The following MAP4K5 variants were observed in gnomAD, a reference collection of about 807,000 sequenced individuals.
MAP4K5 encodes the protein MAPK/ERK kinase kinase kinase 5.
MAP4K5 carries 82 observed loss-of-function variants against 135.6 expected under a neutral mutation model. The ratio of observed to expected loss-of-function variants is 0.60; its 90% CI spans 0.51 to 0.73. MAP4K5 has a LOEUF of 0.73. Ranked by LOEUF, MAP4K5 falls within the 30% of genes least tolerant of loss-of-function variation. The pLI is 0.00. For missense variants in MAP4K5, 907 were observed against 1,010.9 expected (o/e 0.90, Z 1.39); for synonymous variants, 347 against 335.0 (o/e 1.04, Z -0.39).
At chr14:50,426,049 TAATA>T (rs1220782546) in intron 30 of MAP4K5, 72 bp from the exon 31 acceptor site, 2 of 937,060 alleles carry the variant, frequency 2.1e-6, no homozygotes, top group Non-Finnish European at 3.4e-6. Context: ...TCTCTACTTT[TAATA>T]AATAATATAA....
At chr14:50,466,381 CAAAAAAAAAAA>C (rs1194669006) in intron 11 of MAP4K5, among the ~76,000 whole-genome samples, 191 bp downstream of exon 11, 2 of 54,630 alleles carry the variant, frequency 3.7e-5, no homozygotes, top group African/African-American at 7.6e-5. Context: ...AATCCTGTCT[CAAAAAAAAAAA>C]AAAAAAAAAA....
At chr14:50,551,766 T>A (rs530195000) in intron 1 of MAP4K5, among the ~76,000 whole-genome samples, 7 of 152,222 alleles carry the variant, frequency 4.6e-5, no homozygotes, top group African/African-American at 1.7e-4. Flanking sequence ...AAAAATTATG[T>A]GATAATCTCA....
chr14:50,446,643 G>A (rs918938239), intron 16 of MAP4K5, among the ~76,000 whole-genome samples: 2 of 152,046 alleles, frequency 1.3e-5, no homozygotes, highest in Non-Finnish European at 2.9e-5. Flanking sequence ...TCAATTAGGC[G>A]GCTTTCAGGA....
At chr14:50,559,061 G>T (rs897751254) in intron 1 of MAP4K5, 1 of 152,188 alleles carries the variant, frequency 6.6e-6, no homozygotes, top group Admixed American at 6.5e-5. Context: ...CACACCTCTG[G>T]TATAATGTCC....
At chr14:50,556,159 G>T (rs1177036818) in intron 1 of MAP4K5, among the ~76,000 whole-genome samples, 1 of 152,090 alleles carries the variant, frequency 6.6e-6, no homozygotes, top group Non-Finnish European at 1.5e-5. Context: ...AAAAACATTT[G>T]TATTTTAAAA....
intron 14 of MAP4K5, 113 bp from the exon 15 acceptor site, chr14:50,448,945 A>C: frequency 1.5e-6 from 1 of 650,594 alleles, no homozygotes; most frequent in Non-Finnish European, 2.7e-6. Context: ...GAGGGGAAAG[A>C]AGACAAAAAA....
chr14:50,528,366 C>A (rs1446192082), intron 2 of MAP4K5, among the ~76,000 whole-genome samples: 1 of 146,732 alleles, frequency 6.8e-6, no homozygotes, highest in African/African-American at 2.6e-5. Context: ...AAGCCAGAGT[C>A]CTTTAAAGCT....
At chr14:50,477,962 C>T (rs1257944868) in intron 6 of MAP4K5, among the ~76,000 whole-genome samples, 1 of 152,064 alleles carries the variant, frequency 6.6e-6, no homozygotes, top group Non-Finnish European at 1.5e-5. Context: ...CAGAAAAATG[C>T]TGACTCAAAA....
At chr14:50,551,660 C>CA in intron 1 of MAP4K5, among the ~76,000 whole-genome samples, 1 of 152,084 alleles carries the variant, frequency 6.6e-6, no homozygotes, top group South Asian at 2.1e-4. Context: ...AATAGCATAT[C>CA]AAAAAGATAA....
intron 2 of MAP4K5, among the ~76,000 whole-genome samples, chr14:50,520,358 G>T (rs1055876570): frequency 2.6e-5 from 4 of 152,068 alleles, no homozygotes; most frequent in African/African-American, 9.7e-5. Flanking sequence ...GAAATTAGTC[G>T]GGCATGGCAG....
Position 50,490,088 on chromosome 14 carries a change from T to A in MAP4K5, c.167-3894A>T, listed in dbSNP as rs189888115. ...GTATGCATGGGTGTGTGTGTGTGTG[T>A]GAGAGAGAGAGACAGACAGAGAGAG... On this transcript the variant is annotated intron_variant, in intron 3 of 32. Coordinates refer to ENST00000682126, the MANE Select transcript of MAP4K5 (RefSeq NM_006575.6). Among the ~76,000 whole-genome samples the A allele has an allele frequency of 1.8e-3, 266 of 147,308 alleles. 2 individuals carry two copies. The highest frequency in any genetic ancestry group is 1.9e-3 in the African/African-American group (76 of 39,614).
At chr14:50,486,595 T>A (rs998191513) in intron 3 of MAP4K5, among the ~76,000 whole-genome samples, 1 of 152,194 alleles carries the variant, frequency 6.6e-6, no homozygotes, top group East Asian at 1.9e-4. Context: ...TCTTCCTTTT[T>A]GGTCTGTATT....
intron 1 of MAP4K5, among the ~76,000 whole-genome samples, chr14:50,546,477 A>G (rs1239234695): frequency 6.6e-6 from 1 of 152,194 alleles, no homozygotes; most frequent in African/African-American, 2.4e-5. Flanking sequence ...GCTTATAAGT[A>G]AATGAGTACT....
chr14:50,522,546 T>C (rs2038173472), intron 2 of MAP4K5, among the ~76,000 whole-genome samples: 2 of 152,148 alleles, frequency 1.3e-5, no homozygotes, highest in South Asian at 4.1e-4. Flanking sequence ...CAATAAAACA[T>C]GTTTTATTTT....
chr14:50,514,705 G>A (rs1221358088), intron 2 of MAP4K5, among the ~76,000 whole-genome samples: 2 of 152,076 alleles, frequency 1.3e-5, no homozygotes, highest in Non-Finnish European at 2.9e-5. Context: ...AAGAGATTAT[G>A]GATAGCAAAA....
At chr14:50,445,250 T>G in intron 17 of MAP4K5, 56 bp from the exon 18 acceptor site, 2 of 1,539,456 alleles carry the variant, frequency 1.3e-6, no homozygotes, top group Non-Finnish European at 1.8e-6. Context: ...CATCAGAGTC[T>G]TTAGGGAAAG....
intron 3 of MAP4K5, among the ~76,000 whole-genome samples, chr14:50,504,060 A>C (rs2037760798): frequency 6.6e-6 from 1 of 152,098 alleles, no homozygotes; most frequent in South Asian, 2.1e-4. Flanking sequence ...AGCATATGCT[A>C]CCTCAGTACT....
At chr14:50,433,389 G>C (rs1050370492) in intron 28 of MAP4K5, among the ~76,000 whole-genome samples, 1 of 152,260 alleles carries the variant, frequency 6.6e-6, no homozygotes, top group Non-Finnish European at 1.5e-5. Context: ...AATTTTGTAA[G>C]CCAAATGACA....
chr14:50,471,417 T>G (rs2036959719), intron 9 of MAP4K5, among the ~76,000 whole-genome samples: 1 of 152,104 alleles, frequency 6.6e-6, no homozygotes, highest in Admixed American at 6.6e-5. Flanking sequence ...GGCCACTACA[T>G]GATGTAAGAA....
Sources: allele counts gnomAD v4.1 joint callset (sites outside exome capture counted in the v4.1 genomes callset), GRCh38; gene constraint gnomAD v4.1.1; transcripts MANE v1.5; gene names NCBI Gene and HGNC (gene_info 2026-07-23, HGNC 2026-07-21).